CR1: variants seen among roughly 807,000 people sequenced by gnomAD.
CR1 encodes complement receptor type 1.
In CR1, 116 loss-of-function variants were observed where a neutral mutation model predicts 187.3. The ratio of observed to expected loss-of-function variants is 0.62; its 90% CI spans 0.53 to 0.72. CR1 has a LOEUF of 0.72. CR1 is among the 30% of genes least tolerant of loss of function. The pLI is 0.00. For synonymous variants in CR1, 576 were observed against 747.1 expected (o/e 0.77, Z 3.73); for missense variants, 1,731 against 2,110.7 (o/e 0.82, Z 3.52).
intron 41 of CR1, among the ~76,000 whole-genome samples, 160 bp from the exon 42 acceptor site, chr1:207,617,911 C>T (rs1180669930): frequency 2.6e-5 from 4 of 152,056 alleles, no homozygotes; most frequent in South Asian, 2.1e-4. Flanking sequence ...TTAGAGAACC[C>T]GTCTTTCACT....
rs755824128 is a variant in CR1 at position 207,523,863 on chromosome 1, T to C, written c.740T>C (p.Ile247Thr). Reference protein sequence around the residue: ...KCTPPNVENGILVSDNRSLFS... With the variant: ...KCTPPNVENGTLVSDNRSLFS... Reference sequence around the variant, plus strand: ...ACGCCTCCAAATGTGGAAAATGGAATATTGGTATCTGACAACAGAAGCTTA... The same window carrying C: ...ACGCCTCCAAATGTGGAAAATGGAACATTGGTATCTGACAACAGAAGCTTA... Residue 247 changes from isoleucine to threonine, a missense_variant, in exon 5 of 47, where the codon ATA becomes ACA. Ile to Thr is a moderately conservative substitution (Grantham distance 89). Coordinates refer to ENST00000367049, the MANE Select transcript of CR1 (RefSeq NM_000651.6). The C allele has an allele frequency of 2.5e-6, 4 of 1,610,392 alleles. No individual in the cohort carries two copies. The highest frequency in any genetic ancestry group is 2.3e-4 in the Middle Eastern group (1 of 4,426).
chr1:207,521,873 T>G (rs1660009896), intron 4 of CR1, among the ~76,000 whole-genome samples: 3 of 150,856 alleles, frequency 2.0e-5, no homozygotes, highest in Admixed American at 2.0e-4. Context: ...TTCGCCATGT[T>G]GCCCAGGCTG....
Position 207,506,827 on chromosome 1 carries a change from T to C in CR1, c.401+14T>C, listed in dbSNP as rs765604926. 2.3e-5 allele frequency: 36 copies of C among 1,595,636 alleles called. No homozygotes were observed. The highest frequency in any genetic ancestry group is 3.4e-5 in the Admixed American group (2 of 59,684). On this transcript the variant is annotated intron_variant, in intron 3 of 46. Transcript: ENST00000367049. ...TTGTACTAAAGGGTGAGTTGGCATC[T>C]CTTGAACCAACATCTCTTGGTTCAA...
At chr1:207,588,112 A>T (rs915880568) in intron 34 of CR1, among the ~76,000 whole-genome samples, 1 of 152,104 alleles carries the variant, frequency 6.6e-6, no homozygotes, top group Admixed American at 6.5e-5. Flanking sequence ...AGAGTACAAC[A>T]CTTTAGCCAT....
chr1:207,622,136 A>G (rs575587294), intron 44 of CR1, 140 bp downstream of exon 44: 1 of 539,692 alleles, frequency 1.9e-6, no homozygotes, highest in African/African-American at 2.0e-5. Context: ...TGTAAGTTCA[A>G]CTAGAAAGAA....
At chr1:207,512,494 A>C (rs752670195) in intron 4 of CR1, among the ~76,000 whole-genome samples, 12 of 152,228 alleles carry the variant, frequency 7.9e-5, no homozygotes, top group Non-Finnish European at 1.5e-4. Context: ...CTATGTAGTG[A>C]GGGCCAGGCT....
rs1333843931 is a variant in CR1 at position 207,575,200 on chromosome 1, T to C, written c.4452-395T>C. ...TGTCTCAAGTAAAATGACATAGTAT[T>C]ATACACACACACACACACACACACA... is the stretch of plus-strand genomic sequence containing the variant. On this transcript the variant is annotated intron_variant, in intron 27 of 46. Transcript: ENST00000367049. 4.9e-5 allele frequency among the ~76,000 whole-genome samples: 4 copies of C among 81,956 alleles called. No individual in the cohort carries two copies. The East Asian group carries it at 1.0e-3, about 20-fold the overall frequency. 53.8% of individuals were successfully genotyped at this position (81,956 alleles called of 152,430 possible).
rs745823783 is a variant in CR1 at position 207,506,790 on chromosome 1, A to G, written c.378A>G (p.Gln126=). Residue 126 remains glutamine, a synonymous_variant, in exon 3 of 47, where the codon CAA becomes CAG. Transcript: ENST00000367049. ...HVIKGIQFGS[Q]IKYSCTKGYR... Reference sequence around the variant, plus strand: ...TCAAAGGCATCCAGTTCGGATCCCAAATTAAATATTCTTGTACTAAAGGGT... The same window carrying G: ...TCAAAGGCATCCAGTTCGGATCCCAGATTAAATATTCTTGTACTAAAGGGT... 2.5e-6 allele frequency: 4 copies of G among 1,613,416 alleles called. No homozygotes were observed. The Admixed American group carries it at 5.0e-5, about 20-fold the overall frequency.
intron 35 of CR1, among the ~76,000 whole-genome samples, chr1:207,602,182 C>A (rs1661626432): frequency 6.6e-6 from 1 of 151,548 alleles, no homozygotes; most frequent in South Asian, 2.1e-4. Context: ...CAAAGAAGCA[C>A]CTTTAAAAAA....
chr1:207,588,122 T>C (rs948695673), intron 34 of CR1, among the ~76,000 whole-genome samples: 2 of 152,226 alleles, frequency 1.3e-5, no homozygotes, highest in African/African-American at 4.8e-5. Flanking sequence ...ACTTTAGCCA[T>C]AAATGACTTG....
At chr1:207,526,538 C>A (rs1332177962) in intron 5 of CR1, among the ~76,000 whole-genome samples, 1 of 151,398 alleles carries the variant, frequency 6.6e-6, no homozygotes, top group East Asian at 1.9e-4. Flanking sequence ...TTGGAGATAC[C>A]TCTGTTTTAG....
chr1:207,507,541 A>G (rs1169202370), intron 3 of CR1: 1 of 152,202 alleles, frequency 6.6e-6, no homozygotes, highest in African/African-American at 2.4e-5. Flanking sequence ...CGCCCACACT[A>G]ACGACCTCAT....
chr1:207,635,129 C>T (rs1362926149), intron 46 of CR1, among the ~76,000 whole-genome samples: 3 of 151,980 alleles, frequency 2.0e-5, no homozygotes, highest in South Asian at 2.1e-4. Context: ...GTGGGTTGGC[C>T]CTCCACACCT....
At chr1:207,509,435 C>T (rs1468184202) in intron 3 of CR1, among the ~76,000 whole-genome samples, 3 of 145,280 alleles carry the variant, frequency 2.1e-5, no homozygotes, top group Non-Finnish European at 4.5e-5. Context: ...GATTTTGTCT[C>T]TCTGCCTTAC....
chr1:207,619,385 AAAAAAAAAAG>A (rs1310421387), intron 42 of CR1, among the ~76,000 whole-genome samples: 1 of 151,846 alleles, frequency 6.6e-6, no homozygotes, highest in African/African-American at 2.4e-5. Flanking sequence ...TCAAAAAAAA[AAAAAAAAAAG>A]AAAAAGAAAA....
intron 27 of CR1, among the ~76,000 whole-genome samples, chr1:207,574,202 A>G (rs1660664055): frequency 6.6e-6 from 1 of 152,184 alleles, no homozygotes. Flanking sequence ...AAAATTCCAG[A>G]AGGGTAAGCA....
At chr1:207,575,271 ATATT>A (rs1660706790) in intron 27 of CR1, among the ~76,000 whole-genome samples, 1 of 152,142 alleles carries the variant, frequency 6.6e-6, no homozygotes, top group Non-Finnish European at 1.5e-5. Flanking sequence ...GGCAAAAATA[ATATT>A]TAGAGAAAGA....
At chr1:207,513,271 T>C (rs1168261416) in intron 4 of CR1, among the ~76,000 whole-genome samples, 2 of 152,238 alleles carry the variant, frequency 1.3e-5, no homozygotes, top group Non-Finnish European at 2.9e-5. Flanking sequence ...CCCCATTGTC[T>C]CTGGCAATTA....
intron 35 of CR1, among the ~76,000 whole-genome samples, chr1:207,592,684 A>G (rs991049182): frequency 6.6e-6 from 1 of 152,226 alleles, no homozygotes; most frequent in African/African-American, 2.4e-5. Context: ...ATGACTGTAT[A>G]TTTAGAAAAC....
Sources: allele counts gnomAD v4.1 joint callset (sites outside exome capture counted in the v4.1 genomes callset), GRCh38; gene constraint gnomAD v4.1.1; transcripts MANE v1.5; gene names NCBI Gene and HGNC (gene_info 2026-07-23, HGNC 2026-07-21).